The following TENM3 variants were observed in gnomAD, a reference collection of about 807,000 sequenced individuals.
The protein encoded by TENM3 is teneurin-3.
In TENM3, 63 loss-of-function variants were observed where a neutral mutation model predicts 255.1. The observed-to-expected ratio is 0.25, with a 90% CI of 0.20 to 0.30. The LOEUF (loss-of-function observed/expected upper bound fraction) is 0.30. TENM3 is among the 10% of genes least tolerant of loss of function. The probability of loss-of-function intolerance (pLI) is 1.00; values close to 1 mark genes in which losing one functional copy is unlikely to be tolerated. For missense variants in TENM3, 2,929 were observed against 3,461.1 expected (o/e 0.85, Z 3.86); for synonymous variants, 1,306 against 1,322.3 (o/e 0.99, Z 0.27).
chr4:182,034,763 A>G, the TENM3 span, among the ~76,000 whole-genome samples: 1 of 152,134 alleles, frequency 6.6e-6, no homozygotes, highest in Non-Finnish European at 1.5e-5. Context: ...CTGTTAGTCT[A>G]ATGGGCTTTC....
At chr4:182,229,840 G>A (rs1756444721) in intron 1 of TENM3, among the ~76,000 whole-genome samples, 1 of 152,116 alleles carries the variant, frequency 6.6e-6, no homozygotes, top group African/African-American at 2.4e-5. Context: ...TGAATACAGT[G>A]TACATAACAT....
chr4:182,690,077 T>C (rs188985736), intron 12 of TENM3, among the ~76,000 whole-genome samples: 130 of 152,322 alleles, frequency 8.5e-4, no homozygotes, highest in African/African-American at 3.0e-3. Flanking sequence ...AAAATAACCT[T>C]ATCAGTGTAG....
At chr4:181,542,634 G>A in the TENM3 span, among the ~76,000 whole-genome samples, 1 of 152,052 alleles carries the variant, frequency 6.6e-6, no homozygotes, top group African/African-American at 2.4e-5. Flanking sequence ...TAGAATGAAG[G>A]ATAACTTCTA....
the TENM3 span, among the ~76,000 whole-genome samples, chr4:181,468,013 A>T: frequency 6.6e-6 from 1 of 151,896 alleles, no homozygotes; most frequent in Admixed American, 6.6e-5. Context: ...ATAAGAAAAA[A>T]GGCCTGGTGC....
intron 1 of TENM3, among the ~76,000 whole-genome samples, chr4:182,209,408 A>T (rs1426743231): frequency 6.6e-6 from 1 of 152,038 alleles, no homozygotes; most frequent in Non-Finnish European, 1.5e-5. Flanking sequence ...ATGCTCATGC[A>T]GTAGAGCTCC....
chr4:182,104,910 G>A, the TENM3 span, among the ~76,000 whole-genome samples: 2 of 152,092 alleles, frequency 1.3e-5, no homozygotes, highest in Admixed American at 6.6e-5. Context: ...TTCACGGTGT[G>A]TAAGAATCAC....
chr4:182,440,704 G>A (rs6822105), intron 3 of TENM3, among the ~76,000 whole-genome samples: 73,647 of 151,970 alleles, frequency 0.48, 18,283 homozygotes, highest in South Asian at 0.59. Flanking sequence ...GGGAAGATTT[G>A]AGAATAATTA....
At chr4:181,613,025 T>C in the TENM3 span, among the ~76,000 whole-genome samples, 1 of 152,162 alleles carries the variant, frequency 6.6e-6, no homozygotes, top group Non-Finnish European at 1.5e-5. Context: ...CTTCTAACAT[T>C]TTATTTGTTC....
rs1455861740 is a variant in TENM3 at position 182,799,587 on chromosome 4, C to T, written c.7345-9C>T. On this transcript the variant is annotated splice_polypyrimidine_tract_variant and intron_variant, in intron 27 of 27. Coordinates refer to ENST00000511685, the MANE Select transcript of TENM3 (RefSeq NM_001080477.4). This position sits in a 1 kb window ranked among gnomAD's most constrained non-coding sequence, Gnocchi z 4.2. ...CTCTGACGCGCCCCCTCTTTTGTTT[C>T]GCCCGCAGCCCATCTTCGGAGTCCA... 2.0e-5 allele frequency: 30 copies of T among 1,534,204 alleles called. No individual in the cohort carries two copies. The highest frequency in any genetic ancestry group is 2.4e-5 in the Non-Finnish European group (28 of 1,145,628).
intron 3 of TENM3, among the ~76,000 whole-genome samples, chr4:182,592,597 C>T (rs558007459): frequency 8.5e-5 from 13 of 152,270 alleles, no homozygotes; most frequent in South Asian, 4.1e-4. Flanking sequence ...TGTTGGCGCA[C>T]GCCTGTAATC....
intron 12 of TENM3, among the ~76,000 whole-genome samples, chr4:182,709,894 G>T (rs1758623538): frequency 6.6e-6 from 1 of 152,100 alleles, no homozygotes; most frequent in Non-Finnish European, 1.5e-5. Context: ...TAAGTATTAT[G>T]TTAATTTTGA....
At chr4:182,688,423 C>T (rs909638838) in intron 12 of TENM3, 72 bp downstream of exon 12, 1 of 1,243,820 alleles carries the variant, frequency 8.0e-7, no homozygotes, top group Non-Finnish European at 1.1e-6. Flanking sequence ...CTGTTTTCAA[C>T]TTGGAAAAAG....
At chr4:181,616,002 A>G in the TENM3 span, among the ~76,000 whole-genome samples, 3 of 152,176 alleles carry the variant, frequency 2.0e-5, no homozygotes, top group Non-Finnish European at 4.4e-5. Context: ...TGTGGTTATT[A>G]GAGCAGATCT....
chr4:182,227,628 T>C (rs1756253283), intron 1 of TENM3, among the ~76,000 whole-genome samples: 1 of 151,018 alleles, frequency 6.6e-6, no homozygotes, highest in African/African-American at 2.4e-5. Context: ...TTCGTGTAGA[T>C]GTGCAGGGCT....
At chr4:182,212,321 C>T (rs142614599) in intron 1 of TENM3, among the ~76,000 whole-genome samples, 129 of 152,290 alleles carry the variant, frequency 8.5e-4, no homozygotes, top group African/African-American at 3.0e-3. Context: ...AAATCAGATA[C>T]CCATAGCATC....
At chr4:181,523,119 C>A in the TENM3 span, 2 of 440,540 alleles carry the variant, frequency 4.5e-6, no homozygotes, top group African/African-American at 2.0e-5. Flanking sequence ...AGTTTAACAT[C>A]ATGTATTTGT....
At chr4:182,241,514 C>CTTTTT (rs1561232126), upstream of TENM3, among the ~76,000 whole-genome samples, 1 of 102,624 alleles carries the variant, frequency 9.7e-6, no homozygotes, top group African/African-American at 5.1e-5. Context: ...TTTCTTTTTT[C>CTTTTT]TTTCTTTTTT....
chr4:181,482,818 A>G, the TENM3 span, among the ~76,000 whole-genome samples: 2 of 152,116 alleles, frequency 1.3e-5, no homozygotes, highest in Non-Finnish European at 2.9e-5. Flanking sequence ...ACTCCCATCC[A>G]TTGACTAAAA....
chr4:181,859,262 AAAAAT>A, the TENM3 span, among the ~76,000 whole-genome samples: 1 of 150,252 alleles, frequency 6.7e-6, no homozygotes, highest in East Asian at 1.9e-4. Flanking sequence ...AAAAAAAAAA[AAAAAT>A]CCCTCATTTT....
Sources: allele counts gnomAD v4.1 joint callset (sites outside exome capture counted in the v4.1 genomes callset), GRCh38; gene constraint gnomAD v4.1.1; non-coding constraint Gnocchi (gnomAD v3.1); transcripts MANE v1.5; gene names NCBI Gene and HGNC (gene_info 2026-07-23, HGNC 2026-07-21).